CSNK1G1: variants seen among roughly 807,000 people sequenced by gnomAD.
The protein encoded by CSNK1G1 is casein kinase I isoform gamma-1.
Under a neutral mutation model 59.6 loss-of-function variants are expected in CSNK1G1, and 22 were observed. The ratio of observed to expected loss-of-function variants is 0.37; its 90% CI spans 0.26 to 0.53. CSNK1G1 has a LOEUF of 0.53. Among genes scored for constraint, CSNK1G1 ranks in the 20% least tolerant of loss-of-function variants. The probability of loss-of-function intolerance (pLI) is 0.89; values close to 1 mark genes in which losing one functional copy is unlikely to be tolerated. For missense variants in CSNK1G1, 384 were observed against 519.5 expected (o/e 0.74, Z 2.54); for synonymous variants, 179 against 177.1 (o/e 1.01, Z -0.08).
intron 1 of CSNK1G1, among the ~76,000 whole-genome samples, chr15:64,336,627 C>T (rs888784528): frequency 6.6e-6 from 1 of 151,920 alleles, no homozygotes; most frequent in African/African-American, 2.4e-5. Flanking sequence ...AATTTTTGAT[C>T]TGAAAATGTA....
At chr15:64,179,617 A>G (rs1050426587) in intron 11 of CSNK1G1, among the ~76,000 whole-genome samples, 1 of 152,140 alleles carries the variant, frequency 6.6e-6, no homozygotes, top group Admixed American at 6.5e-5. Context: ...TAAATTTGGG[A>G]TGGGGAAAAA....
chr15:64,171,013 G>T lies in CSNK1G1; in HGVS notation c.*918C>A, dbSNP rs2081657557. On this transcript the variant is annotated 3_prime_UTR_variant, in exon 12 of 12. Transcript: ENST00000303052. This position sits in a 1 kb window ranked among gnomAD's most constrained non-coding sequence, Gnocchi z 4.8. ...GAGTTTGGCTTCTCTTCTGGGTGCT[G>T]CAGATCAAACTCTTTCCACTGAGAA... 1 of 152,572 alleles carries T rather than the reference G, an allele frequency of 6.6e-6. No individual in the cohort carries two copies. Among genetic ancestry groups the T allele is most frequent in the Non-Finnish European group, 1.5e-5 (1 of 68,032 alleles). 9.5% of individuals were successfully genotyped at this position (152,572 alleles called of 1,614,324 possible).
At chr15:64,279,497 T>C (rs1392696799) in intron 2 of CSNK1G1, among the ~76,000 whole-genome samples, 2 of 152,226 alleles carry the variant, frequency 1.3e-5, no homozygotes. Context: ...TTCCATTGTA[T>C]GAATATATCA....
At chr15:64,316,780 T>C (rs374571681) in intron 1 of CSNK1G1, 6 of 152,220 alleles carry the variant, frequency 3.9e-5, no homozygotes, top group African/African-American at 1.2e-4. Context: ...AGACATTGTA[T>C]GGAAAAGCAT....
intron 10 of CSNK1G1, among the ~76,000 whole-genome samples, chr15:64,202,656 G>A (rs1209367760): frequency 1.3e-5 from 2 of 151,762 alleles, no homozygotes; most frequent in Non-Finnish European, 2.9e-5. Context: ...GGGCTCAGGT[G>A]ATTCTCCCAC....
chr15:64,310,453 T>C (rs1027774772), intron 1 of CSNK1G1, among the ~76,000 whole-genome samples: 5 of 151,612 alleles, frequency 3.3e-5, no homozygotes, highest in South Asian at 2.1e-4. Flanking sequence ...CGGTGGCTCA[T>C]ACCTATAATC....
At chr15:64,277,030 G>A (rs189787234) in intron 2 of CSNK1G1, among the ~76,000 whole-genome samples, 3 of 151,844 alleles carry the variant, frequency 2.0e-5, no homozygotes, top group East Asian at 1.9e-4. Flanking sequence ...AATCAATTCC[G>A]GAAGAACTAG....
chr15:64,182,032 T>C (rs1476676149), intron 10 of CSNK1G1: 1 of 151,284 alleles, frequency 6.6e-6, no homozygotes. Context: ...AAGAAATAAT[T>C]ATTGTTCTCA....
chr15:64,246,711 GA>G (rs1438056486), intron 4 of CSNK1G1, among the ~76,000 whole-genome samples: 1 of 150,670 alleles, frequency 6.6e-6, no homozygotes. Context: ...AGCCAAATCA[GA>G]AGAGTCACTA....
rs191184908 is a variant in CSNK1G1 at position 64,338,613 on chromosome 15, T to A, written c.-225+17375A>T. On this transcript the variant is annotated intron_variant, in intron 1 of 11. Coordinates refer to ENST00000303052, the MANE Select transcript of CSNK1G1 (RefSeq NM_022048.5). ...TACGCAGGAAGCTGAGGCAGGAGAA[T>A]CGCTTGAACCTAGGAGGTGCAGGTT... Among the ~76,000 whole-genome samples the A allele has an allele frequency of 2.8e-5, 4 of 140,376 alleles. No homozygotes were observed. The East Asian group carries it at 8.6e-4, about 30-fold the overall frequency. 92.1% of individuals were successfully genotyped at this position (140,376 alleles called of 152,430 possible).
At chr15:64,187,805 T>C (rs1384754547) in intron 10 of CSNK1G1, among the ~76,000 whole-genome samples, 5 of 152,166 alleles carry the variant, frequency 3.3e-5, no homozygotes, top group Admixed American at 1.3e-4. Context: ...CCAGATGTTC[T>C]AGTACTAAAC....
At chr15:64,254,112 C>T (rs775628125) in intron 3 of CSNK1G1, among the ~76,000 whole-genome samples, 2 of 151,996 alleles carry the variant, frequency 1.3e-5, no homozygotes, top group Non-Finnish European at 2.9e-5. Flanking sequence ...TGCACTCCAG[C>T]CTGGGCGACA....
chr15:64,315,817 G>T (rs186428013), intron 1 of CSNK1G1: 10 of 152,060 alleles, frequency 6.6e-5, no homozygotes, highest in Admixed American at 5.2e-4. Context: ...TTTTTCAAAG[G>T]AGCTAATTAT....
At chr15:64,301,788 G>A (rs1895354102) in intron 1 of CSNK1G1, among the ~76,000 whole-genome samples, 2 of 152,214 alleles carry the variant, frequency 1.3e-5, no homozygotes, top group South Asian at 2.1e-4. Context: ...TCGGGAGGCT[G>A]AGGCAGGAGA....
intron 4 of CSNK1G1, among the ~76,000 whole-genome samples, chr15:64,241,249 TA>T (rs1342066831): frequency 6.6e-6 from 1 of 152,102 alleles, no homozygotes; most frequent in East Asian, 1.9e-4. Flanking sequence ...GTCAAAGCTG[TA>T]AAAAGCAACA....
rs2082282004 is a variant in CSNK1G1, at chr15:64,214,161, A to G, written c.445-37T>C. 2 of 1,423,774 alleles carry G rather than the reference A, an allele frequency of 1.4e-6. No individual in the cohort carries two copies. The highest frequency in any genetic ancestry group is 2.0e-6 in the Non-Finnish European group (2 of 1,007,398). 88.2% of individuals were successfully genotyped at this position (1,423,774 alleles called of 1,614,324 possible). On this transcript the variant is annotated intron_variant, in intron 5 of 11. Transcript: ENST00000303052. The surrounding 1 kb of genome is among the most constrained non-coding windows in gnomAD (Gnocchi z 4.3). The stretch of plus-strand genomic sequence containing the variant: ...ACAAATGATAGAAAGACTGTAAAGA[A>G]GTATATCAGGAAAATACATCAAAAC...
rs1596037289 is a variant in CSNK1G1, at chr15:64,167,875, A to C, written c.*4056T>G. 6.6e-6 allele frequency: 1 copy of C among 152,382 alleles called. No homozygotes were observed. The highest frequency in any genetic ancestry group is 1.5e-5 in the Non-Finnish European group (1 of 68,040). 9.4% of individuals were successfully genotyped at this position (152,382 alleles called of 1,614,324 possible). On this transcript the variant is annotated 3_prime_UTR_variant, in exon 12 of 12. Coordinates refer to ENST00000303052, the MANE Select transcript of CSNK1G1 (RefSeq NM_022048.5). ...GCCATGCTTGCTCACTGGGAGGAGG[A>C]ATGGATTTTATCTTTTACATAAAAA...
chr15:64,335,246 C>T (rs751242224), intron 1 of CSNK1G1, among the ~76,000 whole-genome samples: 2 of 152,074 alleles, frequency 1.3e-5, no homozygotes, highest in Non-Finnish European at 2.9e-5. Context: ...ACAATAAAAA[C>T]ATAACCTTAT....
At chr15:64,335,795 T>A (rs1455833203) in intron 1 of CSNK1G1, 1 of 152,236 alleles carries the variant, frequency 6.6e-6, no homozygotes, top group Non-Finnish European at 1.5e-5. Flanking sequence ...TTGAGTTCTC[T>A]AAGGATGAAA....
Sources: gnomAD v4.1 joint callset for allele counts (sites outside exome capture counted in the v4.1 genomes callset) on GRCh38, gnomAD v4.1.1 for gene constraint, Gnocchi (gnomAD v3.1) non-coding constraint, MANE v1.5 for transcripts, NCBI Gene and HGNC (gene_info 2026-07-23, HGNC 2026-07-21) for gene names.